The following TRPM4 variants were observed in gnomAD, a reference collection of about 807,000 sequenced individuals.
TRPM4 encodes the protein transient receptor potential cation channel subfamily M member 4.
TRPM4 carries 124 observed loss-of-function variants against 135.6 expected under a neutral mutation model. That is an observed-to-expected ratio of 0.91 (90% CI 0.79 to 1.06). The LOEUF (loss-of-function observed/expected upper bound fraction) is 1.06, where lower values mean the gene tolerates loss of function less well. TRPM4 is among the 50% of genes least tolerant of loss of function. TRPM4 has a pLI of 0.00. For synonymous variants in TRPM4, 745 were observed against 705.6 expected (o/e 1.06, Z -0.88); for missense variants, 1,658 against 1,671.4 (o/e 0.99, Z 0.14).
At position 49,196,893 on chromosome 19, in the gene TRPM4, T is replaced by C. The variant is rs1256706013; in HGVS notation, c.2645+19T>C. Reference sequence around the variant, plus strand: ...GCTGCCGGTGAGTGCCCCGGGGCCTTGGAACCCTGGCCCCTGGCCACCTCT... The same window carrying C: ...GCTGCCGGTGAGTGCCCCGGGGCCTCGGAACCCTGGCCCCTGGCCACCTCT... On this transcript the variant is annotated intron_variant, in intron 17 of 24. Coordinates refer to ENST00000252826, the MANE Select transcript of TRPM4 (RefSeq NM_017636.4). The C allele has an allele frequency of 3.2e-6, 5 of 1,557,564 alleles. No individual in the cohort carries two copies. Among genetic ancestry groups the C allele is most frequent in the East Asian group, 2.4e-5 (1 of 42,410 alleles).
At chr19:49,184,929 TTC>T (rs1310738802) in intron 12 of TRPM4, among the ~76,000 whole-genome samples, 2 of 130,130 alleles carry the variant, frequency 1.5e-5, no homozygotes, top group African/African-American at 6.3e-5. Flanking sequence ...CTGTGTTTTT[TTC>T]TTTTTTTTTT....
chr19:49,184,076 C>G (rs1178514077), intron 12 of TRPM4, among the ~76,000 whole-genome samples: 2 of 152,052 alleles, frequency 1.3e-5, no homozygotes, highest in Non-Finnish European at 2.9e-5. Flanking sequence ...ATTTCTTTTA[C>G]TTGGAGTTCC....
chr19:49,158,182 C>A lies in TRPM4; in HGVS notation c.25-10C>A. On this transcript the variant is annotated splice_polypyrimidine_tract_variant and intron_variant, in intron 1 of 24. Transcript: ENST00000252826. ...CCCACTTCCACCCCTACATTTGTTC[C>A]TGTCCCCAGAGCTGGATCCCCAAGA... 1 of 1,613,662 alleles carries A rather than the reference C, an allele frequency of 6.2e-7. No homozygotes were observed. Among genetic ancestry groups the A allele is most frequent in the Non-Finnish European group, 8.5e-7 (1 of 1,179,706 alleles).
In TRPM4 at chr19:49,189,017, TG is replaced by T; in HGVS notation, c.1951del (p.Asp651MetfsTer26). On this transcript the variant is annotated frameshift_variant, in exon 14 of 25. Coordinates refer to ENST00000252826, the MANE Select transcript of TRPM4 (RefSeq NM_017636.4). LOFTEE classifies it high-confidence loss of function. ...ARLLLRRCPLWGDATCLQLAM... is the reference protein window; with the variant it reads ...ARLLLRRCPLXGDATCLQLAM... ...CCTCCTCCTCCGTCGCTGCCCGCTC[TG>T]GGGGGATGCCACTTGCCTCCAGCTG... 6.2e-7 allele frequency: 1 copy of T among 1,614,180 alleles called. No homozygotes were observed. The highest frequency in any genetic ancestry group is 8.5e-7 in the Non-Finnish European group (1 of 1,180,028).
intron 20 of TRPM4, among the ~76,000 whole-genome samples, chr19:49,207,457 T>C (rs1175822): frequency 0.082 from 12,443 of 151,372 alleles, 1,521 homozygotes; most frequent in African/African-American, 0.26. Flanking sequence ...TAGTGAGACC[T>C]TATCTCAATA....
chr19:49,180,043 C>T lies in TRPM4; in HGVS notation c.1151-1306C>T, dbSNP rs114589011. Among the ~76,000 whole-genome samples the T allele has an allele frequency of 1.6e-3, 248 of 152,294 alleles. 1 individual carries two copies. The highest frequency in any genetic ancestry group is 5.6e-3 in the African/African-American group (231 of 41,546). ...CTGGTGGACCGGGGACTGGAACCCA[C>T]GTCTGCCTGCCCCAGAGCCTATTGC... On this transcript the variant is annotated intron_variant, in intron 9 of 24. Transcript: ENST00000252826.
Position 49,196,399 on chromosome 19 carries a change from T to A in TRPM4, c.2211-41T>A, listed in dbSNP as rs763210436. ...GATGGTGGAGATCAGGACTCAGAGG[T>A]CAGAGTGAGGCCTCCTCCCTTCTCT... On this transcript the variant is annotated intron_variant, in intron 16 of 24. Transcript: ENST00000252826. 24 of 1,491,464 alleles carry A rather than the reference T, an allele frequency of 1.6e-5. No homozygotes were observed. In the South Asian group the frequency reaches 3.2e-4, roughly 20 times the overall value. The allele number at this position is 1,491,464 out of a possible 1,614,324, so 92.4% of individuals were successfully genotyped here.
Position 49,164,512 on chromosome 19 carries a change from G to A in TRPM4, c.93-1529G>A, listed in dbSNP as rs537094946. 8.0e-5 allele frequency among the ~76,000 whole-genome samples: 12 copies of A among 150,236 alleles called. 1 individual carries two copies. The highest frequency in any genetic ancestry group is 4.7e-4 in the Admixed American group (7 of 14,912). ...TCCTGCCTCAGCCTTCTGAGTAGCT[G>A]GGATTACAGGCACCCGCCACCACGA... On this transcript the variant is annotated intron_variant, in intron 2 of 24. Transcript: ENST00000252826.
chr19:49,168,561 C>T lies in TRPM4; in HGVS notation c.621C>T (p.Phe207=). The stretch of plus-strand genomic sequence containing the variant: ...GGCCATTTTTCCCCTAGGGCTCGTT[C>T]CCTGCGAGGTACCGGTGGCGCGGTG... ...RDTLINPKGS[F]PARYRWRGDP... The change falls in exon 6 of 25, where the codon TTC becomes TTT. Residue 207 remains phenylalanine, a synonymous_variant. Coordinates refer to ENST00000252826, the MANE Select transcript of TRPM4 (RefSeq NM_017636.4). 6.2e-7 allele frequency: 1 copy of T among 1,613,856 alleles called. No homozygotes were observed. Among genetic ancestry groups the T allele is most frequent in the East Asian group, 2.2e-5 (1 of 44,872 alleles).
intron 16 of TRPM4, among the ~76,000 whole-genome samples, chr19:49,194,063 TC>T (rs1568482145): frequency 1.3e-4 from 14 of 111,576 alleles, no homozygotes; most frequent in African/African-American, 5.3e-4. Context: ...TCATCCTACT[TC>T]TCCTCTTCAT....
chr19:49,197,611 A>T (rs1262780733), intron 17 of TRPM4, among the ~76,000 whole-genome samples: 1 of 151,140 alleles, frequency 6.6e-6, no homozygotes, highest in Non-Finnish European at 1.5e-5. Flanking sequence ...TTTTGAGGAG[A>T]GCAAACAGAA....
At chr19:49,182,358 A>ATCCATCCATCCCTCTG (rs1967995524) in intron 10 of TRPM4, among the ~76,000 whole-genome samples, 1 of 138,924 alleles carries the variant, frequency 7.2e-6, no homozygotes, top group African/African-American at 2.8e-5. Flanking sequence ...CCCTCTGTCC[A>ATCCATCCATCCCTCTG]TCCATCCATC....
At position 49,168,112 on chromosome 19, in the gene TRPM4, G is replaced by A. The variant is rs944804978; in HGVS notation, c.448+15G>A. 1.3e-6 allele frequency: 2 copies of A among 1,597,652 alleles called. No homozygotes were observed. Among genetic ancestry groups the A allele is most frequent in the African/African-American group, 1.3e-5 (1 of 74,866 alleles). On this transcript the variant is annotated intron_variant, in intron 4 of 24. Transcript: ENST00000252826. The stretch of plus-strand genomic sequence containing the variant: ...CCAGAGCACAGGTGACCGAGGGTGG[G>A]TGGGGGCTGTCTCCTGGGCCTCGGC...
At position 49,182,475 on chromosome 19, in the gene TRPM4, TCC is replaced by T. The variant is rs1210878988; in HGVS notation, c.1264-102_1264-101del. On this transcript the variant is annotated intron_variant, in intron 10 of 24. Coordinates refer to ENST00000252826, the MANE Select transcript of TRPM4 (RefSeq NM_017636.4). ...ACCCATCCATCCATCCATCCATCCATCCATCCATCCATCCATCCATCCATCCG... is the reference window on the plus strand; with the variant it reads ...ACCCATCCATCCATCCATCCATCCATATCCATCCATCCATCCATCCATCCG... 3,305 of 844,432 alleles carry T rather than the reference TCC, an allele frequency of 3.9e-3. 82 individuals carry two copies. The African/African-American group carries it at 0.049, about 13-fold the overall frequency. The allele number at this position is 844,432 out of a possible 1,614,324, so 52.3% of individuals were successfully genotyped here.
At position 49,181,467 on chromosome 19, in the gene TRPM4, G is replaced by C. The variant is rs1280786758; in HGVS notation, c.1263+6G>C. On this transcript the variant is annotated splice_donor_region_variant and intron_variant, in intron 10 of 24. Coordinates refer to ENST00000252826, the MANE Select transcript of TRPM4 (RefSeq NM_017636.4). ...GGGGGGACATCCAATGGCGGGTGAG[G>C]GGTCAGGGCCTGGGGGTTGGGCATA... is the stretch of plus-strand genomic sequence containing the variant. 1 of 1,608,182 alleles carries C rather than the reference G, an allele frequency of 6.2e-7. No homozygotes were observed. Among genetic ancestry groups the C allele is most frequent in the East Asian group, 2.2e-5 (1 of 44,830 alleles).
At chr19:49,186,594 G>A (rs1968203950) in intron 12 of TRPM4, among the ~76,000 whole-genome samples, 3 of 152,114 alleles carry the variant, frequency 2.0e-5, no homozygotes, top group African/African-American at 7.2e-5. Context: ...TTAACAGGCC[G>A]GGTGCAGTGG....
intron 16 of TRPM4, among the ~76,000 whole-genome samples, chr19:49,194,179 TCCG>T (rs1322529555): frequency 6.6e-6 from 1 of 151,776 alleles, no homozygotes; most frequent in Non-Finnish European, 1.5e-5. Context: ...CTCCTGCTTC[TCCG>T]CCTTCTCCTC....
At chr19:49,165,904 G>A (rs1967152888) in intron 2 of TRPM4, 137 bp from the exon 3 acceptor site, 1 of 874,838 alleles carries the variant, frequency 1.1e-6, no homozygotes, top group Non-Finnish European at 1.7e-6. Flanking sequence ...CCAGGGCCAG[G>A]GGCAGCGTGG....
chr19:49,165,925 C>A (rs1967153683), intron 2 of TRPM4, 116 bp from the exon 3 acceptor site: 1 of 1,083,428 alleles, frequency 9.2e-7, no homozygotes, highest in Admixed American at 2.2e-5. Context: ...ACTCTGCCTG[C>A]CTCTGTGGGT....
Sources: gnomAD v4.1 joint callset for allele counts (sites outside exome capture counted in the v4.1 genomes callset) on GRCh38, gnomAD v4.1.1 for gene constraint, MANE v1.5 for transcripts, NCBI Gene and HGNC (gene_info 2026-07-23, HGNC 2026-07-21) for gene names.